LRRC4C: variants seen among roughly 807,000 people sequenced by gnomAD.
LRRC4C encodes leucine-rich repeat-containing protein 4C.
In LRRC4C, 5 loss-of-function variants were observed where a neutral mutation model predicts 33.6. The observed-to-expected ratio is 0.15, with a 90% CI of 0.08 to 0.31. The LOEUF is 0.31. Ranked by LOEUF, LRRC4C falls within the 10% of genes least tolerant of loss-of-function variation. The probability of loss-of-function intolerance (pLI) is 1.00; values close to 1 mark genes in which losing one functional copy is unlikely to be tolerated. For synonymous variants in LRRC4C, 329 were observed against 302.0 expected (o/e 1.09, Z -0.93); for missense variants, 560 against 796.7 (o/e 0.70, Z 3.58).
intron 3 of LRRC4C, among the ~76,000 whole-genome samples, chr11:40,567,440 G>A (rs1230760905): frequency 1.3e-5 from 2 of 152,106 alleles, no homozygotes; most frequent in Non-Finnish European, 2.9e-5. Flanking sequence ...CCTTCCAACA[G>A]CAGTTTGACG....
At chr11:40,588,986 A>G (rs2135716901) in intron 3 of LRRC4C, among the ~76,000 whole-genome samples, 1 of 152,178 alleles carries the variant, frequency 6.6e-6, no homozygotes, top group East Asian at 1.9e-4. Flanking sequence ...GTAGATGTCT[A>G]TTAGGTCTGC....
At chr11:41,073,431 T>C (rs1445483669) in intron 1 of LRRC4C, among the ~76,000 whole-genome samples, 1 of 152,114 alleles carries the variant, frequency 6.6e-6, no homozygotes, top group Non-Finnish European at 1.5e-5. Context: ...CCGGTGATGA[T>C]TGAAACACCT....
At position 40,748,749 on chromosome 11, in the gene LRRC4C, T is replaced by A. The variant is rs1467040912; in HGVS notation, c.-406-100471A>T. Among the ~76,000 whole-genome samples the A allele has an allele frequency of 2.0e-5, 3 of 152,008 alleles. No individual in the cohort carries two copies. The East Asian group carries it at 5.8e-4, about 29-fold the overall frequency. ...GCCTACTAGAAACGCACTTTACCTA[T>A]AAAGACACATATAGATTGAAAGTAA... On this transcript the variant is annotated intron_variant, in intron 2 of 6. Transcript: ENST00000528697.
chr11:40,664,119 T>G (rs1943592161), intron 2 of LRRC4C, among the ~76,000 whole-genome samples: 1 of 152,206 alleles, frequency 6.6e-6, no homozygotes, highest in Admixed American at 6.5e-5. Flanking sequence ...ATACTTGATA[T>G]TATAAAATAT....
At chr11:41,000,532 T>A (rs1007081818) in intron 1 of LRRC4C, among the ~76,000 whole-genome samples, 1 of 152,154 alleles carries the variant, frequency 6.6e-6, no homozygotes, top group African/African-American at 2.4e-5. Context: ...TACTTCATAA[T>A]GTAAAAATTT....
intron 3 of LRRC4C, among the ~76,000 whole-genome samples, chr11:40,491,314 C>A (rs749245770): frequency 2.9e-4 from 44 of 151,996 alleles, no homozygotes; most frequent in Non-Finnish European, 5.6e-4. Context: ...ATGGGAGAAG[C>A]CATGTTGATT....
chr11:40,156,642 A>T (rs546094086), intron 5 of LRRC4C, among the ~76,000 whole-genome samples: 102 of 152,146 alleles, frequency 6.7e-4, no homozygotes, highest in African/African-American at 2.4e-3. Flanking sequence ...AAACAAAAAC[A>T]AAAACCCAAG....
At chr11:40,982,289 T>G (rs537886580) in intron 1 of LRRC4C, among the ~76,000 whole-genome samples, 1 of 152,342 alleles carries the variant, frequency 6.6e-6, no homozygotes, top group Non-Finnish European at 1.5e-5. Context: ...ATCTTTCATT[T>G]ATTCTCCTTA....
chr11:41,428,061 A>G (rs973727843), intron 1 of LRRC4C, among the ~76,000 whole-genome samples: 1 of 152,116 alleles, frequency 6.6e-6, no homozygotes, highest in Non-Finnish European at 1.5e-5. Context: ...ACCCAGGTGA[A>G]ATAAACAGCC....
At chr11:40,586,556 A>G (rs889449600) in intron 3 of LRRC4C, among the ~76,000 whole-genome samples, 11 of 148,806 alleles carry the variant, frequency 7.4e-5, no homozygotes, top group African/African-American at 2.7e-4. Context: ...GCCCATGCCT[A>G]TGTCCTGAAT....
chr11:41,199,329 A>T (rs1213065314), intron 1 of LRRC4C, among the ~76,000 whole-genome samples: 1 of 152,050 alleles, frequency 6.6e-6, no homozygotes, highest in East Asian at 1.9e-4. Flanking sequence ...CAAGCATCCC[A>T]TCCTCACACT....
chr11:40,330,353 T>C (rs1005649650), intron 3 of LRRC4C, among the ~76,000 whole-genome samples: 4 of 152,166 alleles, frequency 2.6e-5, no homozygotes, highest in African/African-American at 9.7e-5. Context: ...ATAATAATTG[T>C]ACATATTTAT....
chr11:40,289,916 C>T (rs1944078766), intron 4 of LRRC4C, among the ~76,000 whole-genome samples: 1 of 152,112 alleles, frequency 6.6e-6, no homozygotes, highest in African/African-American at 2.4e-5. Context: ...CTTTCTCTCT[C>T]TTAGGAAAGT....
intron 2 of LRRC4C, among the ~76,000 whole-genome samples, chr11:40,777,257 G>C (rs75250102): frequency 1.3e-5 from 2 of 152,146 alleles, no homozygotes; most frequent in South Asian, 2.1e-4. Context: ...AATGTTGAAC[G>C]TAAGTCCAGG....
chr11:41,363,539 T>C (rs747158979), intron 1 of LRRC4C, among the ~76,000 whole-genome samples: 6 of 152,162 alleles, frequency 3.9e-5, no homozygotes, highest in South Asian at 2.1e-4. Flanking sequence ...GGCTATTGTT[T>C]AGTAGCATAA....
intron 1 of LRRC4C, among the ~76,000 whole-genome samples, chr11:41,348,199 A>G (rs1276992766): frequency 6.6e-6 from 1 of 152,204 alleles, no homozygotes; most frequent in African/African-American, 2.4e-5. Context: ...GCATTAGTGA[A>G]GGCACACCGT....
chr11:40,240,511 A>G (rs1397484431), intron 5 of LRRC4C, among the ~76,000 whole-genome samples: 1 of 152,194 alleles, frequency 6.6e-6, no homozygotes, highest in Admixed American at 6.6e-5. Flanking sequence ...TGCCTTTTCA[A>G]CTACCATAAC....
rs143408762 is a variant in LRRC4C at position 41,176,271 on chromosome 11, T to C, written c.-495-242548A>G. ...AGACTCATGGAAGAGCCTAAGTACA[T>C]TGGGAATACCCGAACCCAAAAAGAG... On this transcript the variant is annotated intron_variant, in intron 1 of 6. Transcript: ENST00000528697. Among the ~76,000 whole-genome samples, 276 of 152,294 alleles carry C rather than the reference T, an allele frequency of 1.8e-3. 1 individual carries two copies. Among genetic ancestry groups the C allele is most frequent in the South Asian group, 4.8e-3 (23 of 4,822 alleles).
chr11:41,224,955 T>C (rs556915623), intron 1 of LRRC4C, among the ~76,000 whole-genome samples: 2 of 152,246 alleles, frequency 1.3e-5, no homozygotes, highest in South Asian at 4.1e-4. Flanking sequence ...ATAAAAAGAA[T>C]GAGATTCAGT....
Sources: allele counts gnomAD v4.1 joint callset (sites outside exome capture counted in the v4.1 genomes callset), GRCh38; gene constraint gnomAD v4.1.1; transcripts MANE v1.5; gene names NCBI Gene and HGNC (gene_info 2026-07-23, HGNC 2026-07-21).